Variants in BRINP3 observed in about 807,000 individuals in gnomAD.
BRINP3 encodes the protein BMP/retinoic acid-inducible neural-specific protein 3.
In BRINP3, 19 loss-of-function variants were observed where a neutral mutation model predicts 71.0. The ratio of observed to expected loss-of-function variants is 0.27; its 90% confidence interval spans 0.19 to 0.39. The LOEUF (loss-of-function observed/expected upper bound fraction) is 0.39, where lower values mean the gene tolerates loss of function less well. Ranked by LOEUF, BRINP3 falls within the 10% of genes least tolerant of loss-of-function variation. BRINP3 has a pLI of 1.00. For missense variants in BRINP3, 959 were observed against 940.8 expected (o/e 1.02, Z -0.25); for synonymous variants, 380 against 337.7 (o/e 1.13, Z -1.37).
At chr1:190,283,437 C>G (rs887034434) in intron 2 of BRINP3, among the ~76,000 whole-genome samples, 53 of 151,828 alleles carry the variant, frequency 3.5e-4, no homozygotes, top group African/African-American at 1.2e-3. Context: ...TCTTTCAGAT[C>G]TCTTCAAAGT....
Position 190,234,401 on chromosome 1 carries a change from T to C in BRINP3, c.695A>G (p.Gln232Arg). ...CAACTGAATCTTATTCTCAGGACTC[T>C]GAACCAGAACAGAACTGACAGAATC... is the stretch of plus-strand genomic sequence containing the variant. ...NLDSVSSVLV[Q>R]SPENKIQLQG... The change falls in exon 5 of 8, where the codon CAG becomes CGG. Residue 232 changes from glutamine (Q) to arginine (R), a missense_variant. Physicochemically the swap from Gln to Arg is conservative, Grantham distance 43. Coordinates refer to ENST00000367462, the MANE Select transcript of BRINP3 (RefSeq NM_199051.3). 1 of 1,612,290 alleles carries C rather than the reference T, an allele frequency of 6.2e-7. No homozygotes were observed. Among genetic ancestry groups the C allele is most frequent in the South Asian group, 1.1e-5 (1 of 90,692 alleles).
chr1:190,453,066 G>C (rs960315148), intron 2 of BRINP3, among the ~76,000 whole-genome samples: 1 of 151,910 alleles, frequency 6.6e-6, no homozygotes. Context: ...CACATTCTTA[G>C]AATCCTAAAA....
At chr1:190,157,222 G>A (rs986017921) in intron 7 of BRINP3, among the ~76,000 whole-genome samples, 4 of 151,974 alleles carry the variant, frequency 2.6e-5, no homozygotes, top group East Asian at 1.9e-4. Flanking sequence ...CATGGGTTTC[G>A]CATCCCATAA....
intron 2 of BRINP3, among the ~76,000 whole-genome samples, chr1:190,324,645 A>C (rs1372699970): frequency 6.6e-6 from 1 of 151,934 alleles, no homozygotes; most frequent in African/African-American, 2.4e-5. Context: ...GGTTTTATTA[A>C]TAATGATTAC....
At chr1:190,306,041 C>T (rs1302751514) in intron 2 of BRINP3, among the ~76,000 whole-genome samples, 2 of 151,756 alleles carry the variant, frequency 1.3e-5, no homozygotes, top group East Asian at 3.9e-4. Flanking sequence ...AACTGACACC[C>T]TGTAAAAACA....
chr1:190,281,227 A>T (rs1358832328), intron 3 of BRINP3, among the ~76,000 whole-genome samples: 1 of 151,982 alleles, frequency 6.6e-6, no homozygotes, highest in Non-Finnish European at 1.5e-5. Context: ...CTATAACTAG[A>T]ATTGATGACC....
intron 7 of BRINP3, among the ~76,000 whole-genome samples, chr1:190,137,251 G>A (rs1655049568): frequency 6.6e-6 from 1 of 152,006 alleles, no homozygotes; most frequent in African/African-American, 2.4e-5. Context: ...GAGCTATGAA[G>A]AATTATAGAT....
chr1:190,149,870 C>G (rs575393376), intron 7 of BRINP3, among the ~76,000 whole-genome samples: 147 of 152,154 alleles, frequency 9.7e-4, no homozygotes, highest in African/African-American at 3.3e-3. Context: ...AGCAAACTGA[C>G]CTTCATTTTC....
At chr1:190,203,748 AAAATATATATATAT>A in intron 6 of BRINP3, among the ~76,000 whole-genome samples, 1 of 106,482 alleles carries the variant, frequency 9.4e-6, no homozygotes. Flanking sequence ...ATCACTAAAG[AAAATATATATATAT>A]ATATATATAT....
intron 2 of BRINP3, among the ~76,000 whole-genome samples, chr1:190,421,966 A>T (rs1310034062): frequency 6.6e-6 from 1 of 151,810 alleles, no homozygotes; most frequent in East Asian, 1.9e-4. Flanking sequence ...CTGGCTACTT[A>T]ATAAGTCTCC....
chr1:190,235,789 C>A (rs1486182951), intron 4 of BRINP3, among the ~76,000 whole-genome samples: 1 of 151,912 alleles, frequency 6.6e-6, no homozygotes, highest in African/African-American at 2.4e-5. Flanking sequence ...AGTGAATACC[C>A]CAAACTCTTC....
chr1:190,222,605 C>T (rs2102689725), intron 6 of BRINP3, among the ~76,000 whole-genome samples: 1 of 151,444 alleles, frequency 6.6e-6, no homozygotes, highest in Middle Eastern at 3.4e-3. Flanking sequence ...AAAGGAAAAG[C>T]TGCATGTTTG....
At chr1:190,329,777 G>T (rs958222012) in intron 2 of BRINP3, among the ~76,000 whole-genome samples, 1 of 151,916 alleles carries the variant, frequency 6.6e-6, no homozygotes, top group Non-Finnish European at 1.5e-5. Flanking sequence ...AACCAAAACA[G>T]CATAGTACTG....
intron 6 of BRINP3, among the ~76,000 whole-genome samples, chr1:190,178,167 T>C (rs1198640244): frequency 6.6e-6 from 1 of 152,150 alleles, no homozygotes; most frequent in East Asian, 1.9e-4. Flanking sequence ...GATGAAATAT[T>C]ATAAATTATG....
chr1:190,097,929 A>T lies in BRINP3; in HGVS notation c.*89T>A. On this transcript the variant is annotated 3_prime_UTR_variant, in exon 8 of 8. Coordinates refer to ENST00000367462, the MANE Select transcript of BRINP3 (RefSeq NM_199051.3). The stretch of plus-strand genomic sequence containing the variant: ...ATATAAGACAGATATTGAAAAGACA[A>T]TTTAAATTTACTCTTCCAAACATAA... The T allele has an allele frequency of 7.3e-7, 1 of 1,370,506 alleles. No homozygotes were observed. Among genetic ancestry groups the T allele is most frequent in the Non-Finnish European group, 9.9e-7 (1 of 1,009,880 alleles). 84.9% of individuals were successfully genotyped at this position (1,370,506 alleles called of 1,614,324 possible).
chr1:190,476,116 C>T (rs1022250119), intron 1 of BRINP3: 1 of 151,884 alleles, frequency 6.6e-6, no homozygotes, highest in Non-Finnish European at 1.5e-5. Flanking sequence ...AATCCCGAGA[C>T]GGGGGGATGG....
At chr1:190,468,142 C>A (rs762166149) in intron 1 of BRINP3, among the ~76,000 whole-genome samples, 3 of 151,220 alleles carry the variant, frequency 2.0e-5, no homozygotes, top group Non-Finnish European at 4.5e-5. Context: ...AGATCTTGAG[C>A]AAATTGTCTT....
intron 7 of BRINP3, among the ~76,000 whole-genome samples, chr1:190,159,854 T>A (rs1230121587): frequency 6.6e-6 from 1 of 152,090 alleles, no homozygotes; most frequent in Admixed American, 6.6e-5. Flanking sequence ...TGTTTTCTTT[T>A]TAAATGGATG....
At chr1:190,137,856 A>G (rs1266429634) in intron 7 of BRINP3, among the ~76,000 whole-genome samples, 1 of 152,200 alleles carries the variant, frequency 6.6e-6, no homozygotes, top group African/African-American at 2.4e-5. Flanking sequence ...GATACTTTAC[A>G]TATGCTGATT....
Sources: gnomAD v4.1 joint callset for allele counts (sites outside exome capture counted in the v4.1 genomes callset) on GRCh38, gnomAD v4.1.1 for gene constraint, MANE v1.5 for transcripts, NCBI Gene and HGNC (gene_info 2026-07-23, HGNC 2026-07-21) for gene names.